The following MYH15 variants were observed in gnomAD, a reference collection of about 807,000 sequenced individuals.
MYH15 encodes myosin-15.
MYH15 carries 227 observed loss-of-function variants against 240.5 expected under a neutral mutation model. That is an observed-to-expected ratio of 0.94 (90% CI 0.85 to 1.05). The LOEUF is 1.05. Among genes scored for constraint, MYH15 ranks in the 50% least tolerant of loss-of-function variants. The pLI is 0.00. For synonymous variants in MYH15, 785 were observed against 796.7 expected (o/e 0.99, Z 0.25); for missense variants, 2,217 against 2,247.5 (o/e 0.99, Z 0.27).
chr3:108,541,361 A>T, the MYH15 span, among the ~76,000 whole-genome samples: 1 of 151,922 alleles, frequency 6.6e-6, no homozygotes, highest in African/African-American at 2.4e-5. Context: ...GCTAAACCAT[A>T]AACAAAGTCA....
chr3:108,476,571 A>T, intron 11 of MYH15, 56 bp from the exon 12 acceptor site: 1 of 1,150,050 alleles, frequency 8.7e-7, no homozygotes, highest in Middle Eastern at 1.9e-4. Flanking sequence ...GTTAAGATTC[A>T]TTCCATTATA....
At chr3:108,383,569 A>G (rs2082358948) in intron 40 of MYH15, 26 bp downstream of exon 40, 1 of 1,609,450 alleles carries the variant, frequency 6.2e-7, no homozygotes, top group East Asian at 2.2e-5. Flanking sequence ...TTAAAGAGTT[A>G]GAACAGAGTT....
chr3:108,440,544 A>G (rs925069019), intron 23 of MYH15, among the ~76,000 whole-genome samples: 1 of 152,098 alleles, frequency 6.6e-6, no homozygotes, highest in Non-Finnish European at 1.5e-5. Flanking sequence ...TAAAACCCTC[A>G]AACAAACTCT....
intron 25 of MYH15, among the ~76,000 whole-genome samples, chr3:108,431,428 C>A (rs1371035277): frequency 6.6e-6 from 1 of 152,156 alleles, no homozygotes; most frequent in Non-Finnish European, 1.5e-5. Context: ...CAAGATCTAA[C>A]GTTTTATAAA....
At chr3:108,453,429 A>G (rs921749209) in intron 21 of MYH15, among the ~76,000 whole-genome samples, 3 of 152,236 alleles carry the variant, frequency 2.0e-5, no homozygotes, top group Non-Finnish European at 4.4e-5. Flanking sequence ...TCCCTTGCTC[A>G]CAGTCCCTTT....
the MYH15 span, among the ~76,000 whole-genome samples, chr3:108,546,014 A>G: frequency 6.6e-6 from 1 of 152,118 alleles, no homozygotes; most frequent in African/African-American, 2.4e-5. Flanking sequence ...TGTGTGTTCC[A>G]TAACAACACA....
intron 1 of MYH15, among the ~76,000 whole-genome samples, chr3:108,527,724 G>T (rs1192023511): frequency 2.7e-5 from 4 of 150,200 alleles, no homozygotes; most frequent in African/African-American, 1.0e-4. Context: ...TTAAGAGTGG[G>T]CTCTGAAGTC....
the MYH15 span, among the ~76,000 whole-genome samples, chr3:108,545,850 CATG>C: frequency 7.9e-5 from 12 of 152,148 alleles, no homozygotes; most frequent in African/African-American, 2.4e-4. Context: ...AAAAAGGATG[CATG>C]ATATTTTACT....
Position 108,441,049 on chromosome 3 carries a change from G to A in MYH15, c.2867C>T (p.Ser956Leu), listed in dbSNP as rs1363164319. The change falls in exon 23 of 41, where the codon TCA becomes TTA. Residue 956 changes from serine to leucine, a missense_variant. By Grantham distance (145) the Ser-to-Leu change is moderately radical. Coordinates refer to ENST00000693548, the MANE Select transcript of MYH15 (RefSeq NM_014981.3). ...IDDLETMLVK[S>L]EKEKRTTEHK... ...CTCTGTAGTACGCTTCTCCTTCTCTGACTTCACCAACATTGTTTCCAGGTC... is the reference window on the plus strand; with the variant it reads ...CTCTGTAGTACGCTTCTCCTTCTCTAACTTCACCAACATTGTTTCCAGGTC... 4 of 1,614,132 alleles carry A rather than the reference G, an allele frequency of 2.5e-6. No individual in the cohort carries two copies. The South Asian group carries it at 4.4e-5, about 18-fold the overall frequency.
intron 18 of MYH15, 74 bp downstream of exon 18, chr3:108,459,288 C>A: frequency 2.1e-6 from 2 of 939,432 alleles, no homozygotes; most frequent in South Asian, 1.7e-5. Flanking sequence ...ATAAATATTT[C>A]TTTAAAAGAT....
intron 33 of MYH15, among the ~76,000 whole-genome samples, chr3:108,399,648 C>T (rs2107541336): frequency 6.6e-6 from 1 of 152,298 alleles, no homozygotes; most frequent in South Asian, 2.1e-4. Flanking sequence ...CTCTTTCAGA[C>T]AGCCGTAATA....
At chr3:108,515,457 A>T (rs1274603607), upstream of MYH15, among the ~76,000 whole-genome samples, 1 of 152,222 alleles carries the variant, frequency 6.6e-6, no homozygotes, top group Non-Finnish European at 1.5e-5. Context: ...CCTGAGACCT[A>T]TATTTAATTT....
chr3:108,484,690 G>A lies in MYH15; in HGVS notation c.1114+401C>T, dbSNP rs941916076. Among the ~76,000 whole-genome samples the A allele has an allele frequency of 2.0e-5, 3 of 152,084 alleles. No individual in the cohort carries two copies. The South Asian group carries it at 6.2e-4, about 32-fold the overall frequency. ...AGACAGGGTTTCGCTATATTGGCCA[G>A]GCTGGTCTTGAACTCCTGGCCTCAA... On this transcript the variant is annotated intron_variant, in intron 11 of 40. Coordinates refer to ENST00000693548, the MANE Select transcript of MYH15 (RefSeq NM_014981.3).
Position 108,444,803 on chromosome 3 carries a change from A to G in MYH15, c.2492T>C (p.Leu831Pro). Residue 831 changes from leucine to proline, a missense_variant, in exon 22 of 41, where the codon CTT becomes CCT. Leu to Pro is a moderately conservative substitution (Grantham distance 98). Transcript: ENST00000693548. ...WMRLFFKIKPLVKSSEVGEEV... is the reference protein window; with the variant it reads ...WMRLFFKIKPPVKSSEVGEEV... ...TTCTCCTACTTCTGAAGATTTAACAAGAGGCTTGATCTTGAAGAAGAGCCT... is the reference window on the plus strand; with the variant it reads ...TTCTCCTACTTCTGAAGATTTAACAGGAGGCTTGATCTTGAAGAAGAGCCT... 6.2e-7 allele frequency: 1 copy of G among 1,614,138 alleles called. No individual in the cohort carries two copies. Among genetic ancestry groups the G allele is most frequent in the Non-Finnish European group, 8.5e-7 (1 of 1,180,006 alleles).
At chr3:108,457,392 C>T (rs530313414) in intron 18 of MYH15, among the ~76,000 whole-genome samples, 16 of 152,172 alleles carry the variant, frequency 1.1e-4, no homozygotes, top group Non-Finnish European at 2.1e-4. Flanking sequence ...ACATCCCAGA[C>T]TTCATTCTCC....
chr3:108,538,202 T>C, the MYH15 span, among the ~76,000 whole-genome samples: 1 of 152,206 alleles, frequency 6.6e-6, no homozygotes, highest in East Asian at 1.9e-4. Flanking sequence ...AACTCCTCCT[T>C]TCCTGATGGC....
In MYH15 at chr3:108,416,682, T is replaced by G. The variant is rs1013343724; in HGVS notation, c.3948+130A>C. 5.0e-5 allele frequency: 38 copies of G among 764,306 alleles called. No homozygotes were observed. The Admixed American group carries it at 9.2e-4, about 19-fold the overall frequency. The allele number at this position is 764,306 out of a possible 1,614,324, so 47.3% of individuals were successfully genotyped here. On this transcript the variant is annotated intron_variant, in intron 29 of 40. Transcript: ENST00000693548. ...TCAGGGTTCTTCCTGGCATGGTTTT[T>G]CCCCCATAACTTCTAGGGCATTTTC...
chr3:108,451,475 G>A (rs552913968), intron 21 of MYH15, among the ~76,000 whole-genome samples: 1 of 152,136 alleles, frequency 6.6e-6, no homozygotes, highest in South Asian at 2.1e-4. Flanking sequence ...AAGCTTTCCT[G>A]CACTAATTCA....
chr3:108,435,693 CATAT>C (rs72262588), intron 25 of MYH15, among the ~76,000 whole-genome samples: 58 of 143,492 alleles, frequency 4.0e-4, no homozygotes, highest in African/African-American at 1.1e-3. Context: ...ATTTTATATA[CATAT>C]ATATATATAT....
Sources: allele counts gnomAD v4.1 joint callset (sites outside exome capture counted in the v4.1 genomes callset), GRCh38; gene constraint gnomAD v4.1.1; transcripts MANE v1.5; gene names NCBI Gene and HGNC (gene_info 2026-07-23, HGNC 2026-07-21).